Variants in SIK3 observed in about 807,000 individuals in gnomAD.
SIK3 encodes serine/threonine-protein kinase SIK3.
A neutral mutation model predicts 144.2 loss-of-function variants in SIK3; 28 were observed. The ratio of observed to expected loss-of-function variants is 0.19; its 90% CI spans 0.14 to 0.27. The LOEUF (loss-of-function observed/expected upper bound fraction) is 0.27. SIK3 is among the 10% of genes least tolerant of loss of function. SIK3 has a pLI of 1.00. For missense variants in SIK3, 1,319 were observed against 1,776.0 expected (o/e 0.74, Z 4.62); for synonymous variants, 686 against 676.3 (o/e 1.01, Z -0.22).
intron 4 of SIK3, among the ~76,000 whole-genome samples, chr11:116,918,279 T>G (rs1480048832): frequency 6.6e-6 from 1 of 152,136 alleles, no homozygotes; most frequent in Admixed American, 6.6e-5. Context: ...GATGCTTTGG[T>G]AGGTCAGAAG....
At chr11:116,957,349 T>C (rs1949176716) in intron 1 of SIK3, among the ~76,000 whole-genome samples, 1 of 152,174 alleles carries the variant, frequency 6.6e-6, no homozygotes. Flanking sequence ...TATTACTCCA[T>C]AGATGTCGTT....
intron 1 of SIK3, among the ~76,000 whole-genome samples, chr11:116,982,654 C>T (rs760492172): frequency 8.6e-5 from 13 of 151,042 alleles, no homozygotes; most frequent in Middle Eastern, 3.4e-3. Flanking sequence ...TACATTTTTA[C>T]CTTTCCTAGC....
chr11:116,915,154 G>GTGTGTA (rs1946560587), intron 4 of SIK3, among the ~76,000 whole-genome samples: 1 of 144,932 alleles, frequency 6.9e-6, no homozygotes, highest in Admixed American at 6.9e-5. Context: ...GTGTGTGTGT[G>GTGTGTA]TGTGTGTATG....
chr11:117,043,958 T>C (rs765161948), intron 1 of SIK3, among the ~76,000 whole-genome samples: 3 of 152,232 alleles, frequency 2.0e-5, no homozygotes, highest in Non-Finnish European at 2.9e-5. Flanking sequence ...TCTGACTCAA[T>C]AAAAACTTAT....
intron 3 of SIK3, among the ~76,000 whole-genome samples, chr11:116,949,616 G>A (rs1447749879): frequency 6.6e-6 from 1 of 152,094 alleles, no homozygotes; most frequent in East Asian, 1.9e-4. Context: ...TAGAATTACA[G>A]GTGTGCACCC....
At chr11:116,951,855 G>A (rs1294717258) in intron 3 of SIK3, among the ~76,000 whole-genome samples, 3 of 151,896 alleles carry the variant, frequency 2.0e-5, no homozygotes, top group Non-Finnish European at 4.4e-5. Flanking sequence ...GATTACTTGA[G>A]CCCAGGAAGC....
chr11:117,076,207 C>T (rs1359772649), intron 1 of SIK3, among the ~76,000 whole-genome samples: 1 of 152,078 alleles, frequency 6.6e-6, no homozygotes, highest in Non-Finnish European at 1.5e-5. Context: ...CTTGGAAGAG[C>T]TCTCTAAATC....
At chr11:116,989,455 T>C (rs1161601759) in intron 1 of SIK3, among the ~76,000 whole-genome samples, 1 of 152,124 alleles carries the variant, frequency 6.6e-6, no homozygotes, top group African/African-American at 2.4e-5. Flanking sequence ...CTCAACACAA[T>C]AGAAACTATC....
chr11:116,973,990 A>G (rs1295726737), intron 1 of SIK3, among the ~76,000 whole-genome samples: 1 of 152,210 alleles, frequency 6.6e-6, no homozygotes, highest in Admixed American at 6.5e-5. Flanking sequence ...GGTAAAAACT[A>G]ACGGAATTTG....
intron 1 of SIK3, among the ~76,000 whole-genome samples, chr11:117,020,248 C>CATATATACAT (rs371319307): frequency 9.9e-6 from 1 of 100,710 alleles, no homozygotes; most frequent in Non-Finnish European, 2.0e-5. Flanking sequence ...TATATATATA[C>CATATATACAT]ACATACATAT....
At chr11:117,045,153 T>A (rs1021950309) in intron 1 of SIK3, among the ~76,000 whole-genome samples, 2 of 152,222 alleles carry the variant, frequency 1.3e-5, no homozygotes, top group South Asian at 4.1e-4. Flanking sequence ...CAGTCTTCTA[T>A]TCTAAGAATT....
chr11:117,059,311 A>T (rs971548566), intron 1 of SIK3, among the ~76,000 whole-genome samples: 52 of 152,336 alleles, frequency 3.4e-4, no homozygotes, highest in Non-Finnish European at 4.3e-4. Flanking sequence ...AAGGAATAGG[A>T]ATTAAAGTCT....
intron 1 of SIK3, among the ~76,000 whole-genome samples, chr11:117,053,079 C>G (rs1953337174): frequency 6.6e-6 from 1 of 152,128 alleles, no homozygotes; most frequent in African/African-American, 2.4e-5. Context: ...TGGCTCATGC[C>G]TGTAACCCCA....
chr11:117,063,401 A>C (rs779743182), intron 1 of SIK3, among the ~76,000 whole-genome samples: 17 of 152,160 alleles, frequency 1.1e-4, no homozygotes, highest in African/African-American at 3.6e-4. Flanking sequence ...AGAACCACTA[A>C]GTACGGCAGT....
intron 1 of SIK3, among the ~76,000 whole-genome samples, chr11:117,077,277 A>T (rs2136032449): frequency 6.6e-6 from 1 of 152,346 alleles, no homozygotes; most frequent in Non-Finnish European, 1.5e-5. Flanking sequence ...TTTTGGACCT[A>T]GCCTATGAAG....
intron 1 of SIK3, among the ~76,000 whole-genome samples, chr11:116,989,319 G>C (rs1295495027): frequency 6.6e-6 from 1 of 152,044 alleles, no homozygotes; most frequent in Non-Finnish European, 1.5e-5. Flanking sequence ...AAACAATGTG[G>C]GCCAGCCAGA....
chr11:116,858,088 G>T lies in SIK3; in HGVS notation c.3377C>A (p.Thr1126Asn), dbSNP rs781078027. The T allele has an allele frequency of 2.0e-5, 32 of 1,613,940 alleles. No homozygotes were observed. Among genetic ancestry groups the T allele is most frequent in the Non-Finnish European group, 2.5e-5 (30 of 1,179,962 alleles). ...QECVSQASSP[T>N]PPHGYAHQPA... The stretch of plus-strand genomic sequence containing the variant: ...CTGGTGAGCATACCCGTGGGGCGGG[G>T]TGGGTGAGGAAGCCTGTGAGACACA... Residue 1126 changes from threonine (T) to asparagine (N), a missense_variant, in exon 21 of 25, where the codon ACC becomes AAC. By Grantham distance (65) the Thr-to-Asn change is moderately conservative. Transcript: ENST00000445177. This position sits in a 1 kb window ranked among gnomAD's most constrained non-coding sequence, Gnocchi z 5.4.
chr11:117,043,004 C>T (rs1952812060), intron 1 of SIK3, among the ~76,000 whole-genome samples: 1 of 152,150 alleles, frequency 6.6e-6, no homozygotes. Flanking sequence ...CAGCAAGCTG[C>T]GTTTATATAC....
chr11:117,003,993 A>G (rs370708846), intron 1 of SIK3, among the ~76,000 whole-genome samples: 2 of 152,228 alleles, frequency 1.3e-5, no homozygotes, highest in East Asian at 3.8e-4. Flanking sequence ...TATGGAGAAT[A>G]TGGGGAAAAA....
Sources: allele counts gnomAD v4.1 joint callset (sites outside exome capture counted in the v4.1 genomes callset), GRCh38; gene constraint gnomAD v4.1.1; non-coding constraint Gnocchi (gnomAD v3.1); transcripts MANE v1.5; gene names NCBI Gene and HGNC (gene_info 2026-07-23, HGNC 2026-07-21).